GRID2: variants seen among roughly 807,000 people sequenced by gnomAD.
GRID2 encodes the protein glutamate receptor ionotropic, delta-2.
GRID2 carries 33 observed loss-of-function variants against 114.8 expected under a neutral mutation model. That is an observed-to-expected ratio of 0.29 (90% confidence interval 0.22 to 0.38). The LOEUF is 0.38. Among genes scored for constraint, GRID2 ranks in the 10% least tolerant of loss-of-function variants. The probability of loss-of-function intolerance (pLI) is 1.00; values close to 1 mark genes in which losing one functional copy is unlikely to be tolerated. For missense variants in GRID2, 1,184 were observed against 1,257.7 expected (o/e 0.94, Z 0.89); for synonymous variants, 505 against 449.9 (o/e 1.12, Z -1.55).
Position 92,411,655 on chromosome 4 carries a change from G to GTGTATATATATATA in GRID2, c.88+106912_88+106913insGTATATATATATAT. 2.7e-4 allele frequency among the ~76,000 whole-genome samples: 23 copies of GTGTATATATATATA among 84,690 alleles called. 1 individual carries two copies. Among genetic ancestry groups the GTGTATATATATATA allele is most frequent in the African/African-American group, 1.1e-3 (18 of 17,098 alleles). 55.6% of individuals were successfully genotyped at this position (84,690 alleles called of 152,430 possible). A position where few individuals can be genotyped will look rare whatever the true frequency, so the allele number is the denominator to read the frequency against. On this transcript the variant is annotated intron_variant, in intron 1 of 15. Coordinates refer to ENST00000282020, the MANE Select transcript of GRID2 (RefSeq NM_001510.4). ...TGTGTGTGTGTGTGTGTGTGTGTGTGTATATATATATATATATATATATGA... is the reference window on the plus strand; with the variant it reads ...TGTGTGTGTGTGTGTGTGTGTGTGTGTGTATATATATATATATATATATATATATATATATATGA...
chr4:92,522,099 T>C (rs33950322), intron 1 of GRID2, among the ~76,000 whole-genome samples: 41,831 of 151,560 alleles, frequency 0.28, 6,720 homozygotes, highest in Non-Finnish European at 0.36. Flanking sequence ...GTGGCAGTAT[T>C]AAGGAGGAGC....
At chr4:92,835,176 A>G (rs1185121124) in intron 2 of GRID2, among the ~76,000 whole-genome samples, 1 of 123,064 alleles carries the variant, frequency 8.1e-6, no homozygotes, top group Non-Finnish European at 1.7e-5. Context: ...AAATACAACA[A>G]GCAGCTGAAA....
chr4:92,917,048 C>T (rs941328771), intron 2 of GRID2, among the ~76,000 whole-genome samples: 6 of 152,102 alleles, frequency 3.9e-5, no homozygotes, highest in African/African-American at 1.4e-4. Flanking sequence ...TTTTAATGAT[C>T]ACCATTCTAA....
At chr4:93,783,993 A>C (rs1578793591) in intron 1 of GRID2, among the ~76,000 whole-genome samples, 1 of 131,164 alleles carries the variant, frequency 7.6e-6, no homozygotes. Flanking sequence ...AATGGCGTGA[A>C]CCCGGGAGGC....
At chr4:93,681,141 C>A (rs565643257) in intron 14 of GRID2, among the ~76,000 whole-genome samples, 1 of 151,208 alleles carries the variant, frequency 6.6e-6, no homozygotes, top group Non-Finnish European at 1.5e-5. Context: ...CAATAACAGA[C>A]AAACAGAGCG....
At chr4:92,868,398 C>T (rs981217989) in intron 2 of GRID2, among the ~76,000 whole-genome samples, 9 of 152,062 alleles carry the variant, frequency 5.9e-5, no homozygotes, top group Admixed American at 1.3e-4. Context: ...CCCTACCAGA[C>T]GCAGCTACCA....
chr4:92,429,680 C>G (rs1732342014), intron 1 of GRID2, among the ~76,000 whole-genome samples: 2 of 152,088 alleles, frequency 1.3e-5, no homozygotes, highest in African/African-American at 4.8e-5. Context: ...CTAAATTGCT[C>G]TCTATAGTGG....
intron 14 of GRID2, among the ~76,000 whole-genome samples, chr4:93,699,129 A>T (rs559430834): frequency 6.6e-6 from 1 of 152,100 alleles, no homozygotes; most frequent in Non-Finnish European, 1.5e-5. Flanking sequence ...TGTAACACCA[A>T]TGAAGAAATA....
At chr4:93,167,649 A>G (rs1470068748) in intron 4 of GRID2, among the ~76,000 whole-genome samples, 1 of 152,192 alleles carries the variant, frequency 6.6e-6, no homozygotes, top group Non-Finnish European at 1.5e-5. Context: ...AAAACTTAAC[A>G]CATAGTAACA....
chr4:92,741,764 G>A (rs1736905140), intron 2 of GRID2, among the ~76,000 whole-genome samples: 1 of 152,126 alleles, frequency 6.6e-6, no homozygotes, highest in Non-Finnish European at 1.5e-5. Context: ...AAGGTGTTGA[G>A]TTACTTGGCT....
chr4:93,152,450 G>A (rs1389464505), intron 4 of GRID2, among the ~76,000 whole-genome samples: 1 of 152,108 alleles, frequency 6.6e-6, no homozygotes, highest in Admixed American at 6.6e-5. Flanking sequence ...GGAAAAGCAT[G>A]AGATGAAATA....
rs180970195 is a variant in GRID2, at chr4:92,749,057, G to C, written c.244+158771G>C. Among the ~76,000 whole-genome samples the C allele has an allele frequency of 1.1e-4, 17 of 151,728 alleles. 1 individual carries two copies. The South Asian group carries it at 2.1e-3, about 19-fold the overall frequency. Reference sequence around the variant, plus strand: ...TCACCAGGCTGGAGTGCAGTGGCGCGATCTTGGCTCACTGCAACCTCCACC... The same window carrying C: ...TCACCAGGCTGGAGTGCAGTGGCGCCATCTTGGCTCACTGCAACCTCCACC... On this transcript the variant is annotated intron_variant, in intron 2 of 15. Transcript: ENST00000282020.
At chr4:93,258,937 G>A (rs766472659) in intron 8 of GRID2, 4 of 455,446 alleles carry the variant, frequency 8.8e-6, no homozygotes, top group Non-Finnish European at 1.8e-5. Flanking sequence ...GGAAAATCTG[G>A]CCCCAGGTGA....
rs187306956 is a variant in GRID2, at chr4:92,756,789, C to T, written c.244+166503C>T. Among the ~76,000 whole-genome samples the T allele has an allele frequency of 5.3e-5, 8 of 151,958 alleles. No individual in the cohort carries two copies. In the East Asian group the frequency reaches 5.8e-4, roughly 11 times the overall value. ...GAGTAGTGTGTATTTAGATCTTTTG[C>T]GCACTTTTTAATGTTTGGGGTTTTT... On this transcript the variant is annotated intron_variant, in intron 2 of 15. Transcript: ENST00000282020.
At chr4:92,732,233 C>A (rs951283083) in intron 2 of GRID2, among the ~76,000 whole-genome samples, 1 of 151,736 alleles carries the variant, frequency 6.6e-6, no homozygotes, top group Admixed American at 6.6e-5. Flanking sequence ...TTTTAGTGTT[C>A]TGTCATTGTG....
At chr4:92,799,503 A>T (rs910842311) in intron 2 of GRID2, among the ~76,000 whole-genome samples, 6 of 152,028 alleles carry the variant, frequency 3.9e-5, no homozygotes, top group African/African-American at 1.4e-4. Flanking sequence ...GATTCTTCTG[A>T]GGCCTTTCTT....
chr4:93,083,427 G>A (rs1730051673), intron 2 of GRID2, among the ~76,000 whole-genome samples: 1 of 151,914 alleles, frequency 6.6e-6, no homozygotes, highest in Non-Finnish European at 1.5e-5. Flanking sequence ...AGGCACGGTG[G>A]CTCACACCTG....
intron 2 of GRID2, 84 bp downstream of exon 2, chr4:92,590,370 G>A (rs530036007): frequency 2.1e-6 from 2 of 948,364 alleles, no homozygotes; most frequent in Non-Finnish European, 3.3e-6. Context: ...ATTAAACATG[G>A]ACATCATTTT....
At chr4:93,582,970 A>G (rs1326734470) in intron 13 of GRID2, among the ~76,000 whole-genome samples, 4 of 152,040 alleles carry the variant, frequency 2.6e-5, no homozygotes, top group African/African-American at 4.8e-5. Context: ...GCAGGGCCAC[A>G]CTCTCTCTGA....
Sources: gnomAD v4.1 joint callset for allele counts (sites outside exome capture counted in the v4.1 genomes callset) on GRCh38, gnomAD v4.1.1 for gene constraint, MANE v1.5 for transcripts, NCBI Gene and HGNC (gene_info 2026-07-23, HGNC 2026-07-21) for gene names.